Variants in VDAC1 observed in about 807,000 individuals in gnomAD.
VDAC1 encodes the protein voltage dependent anion channel 1.
A neutral mutation model predicts 34.7 loss-of-function variants in VDAC1; 10 were observed. The ratio of observed to expected loss-of-function variants is 0.29; its 90% confidence interval spans 0.18 to 0.49. The LOEUF (loss-of-function observed/expected upper bound fraction) is 0.49. Ranked by LOEUF, VDAC1 falls within the 20% of genes least tolerant of loss-of-function variation. The pLI is 0.99. For synonymous variants in VDAC1, 130 were observed against 136.0 expected (o/e 0.96, Z 0.30); for missense variants, 230 against 347.9 (o/e 0.66, Z 2.69).
chr5:134,057,960 G>C, the VDAC1 span, among the ~76,000 whole-genome samples: 1 of 150,352 alleles, frequency 6.7e-6, no homozygotes, highest in African/African-American at 2.4e-5. Flanking sequence ...GCAGTGGCAT[G>C]ATCTTGGCTC....
At chr5:133,999,873 G>C (rs942196534) in intron 1 of VDAC1, among the ~76,000 whole-genome samples, 1 of 152,090 alleles carries the variant, frequency 6.6e-6, no homozygotes, top group Non-Finnish European at 1.5e-5. Context: ...TGCCAAGGAA[G>C]AGAGTACTAT....
intron 8 of VDAC1, 106 bp downstream of exon 8, chr5:133,973,685 C>A (rs370413816): frequency 2.2e-5 from 21 of 945,550 alleles, no homozygotes; most frequent in Non-Finnish European, 1.7e-6. Flanking sequence ...TTTATATATA[C>A]CCACTGTATT....
At chr5:133,981,058 G>A (rs368849438) in intron 5 of VDAC1, 102 bp from the exon 6 acceptor site, 8 of 1,014,400 alleles carry the variant, frequency 7.9e-6, no homozygotes, top group East Asian at 2.6e-5. Flanking sequence ...AGGGAGTGGG[G>A]TGGGGGTGAA....
chr5:133,980,679 A>G (rs1580711366), intron 6 of VDAC1, 50 bp downstream of exon 6: 1 of 878,658 alleles, frequency 1.1e-6, no homozygotes, highest in Admixed American at 2.2e-5. Flanking sequence ...CCCTTACCAC[A>G]CATGCTCCAA....
At chr5:134,004,063 G>A (rs1185307086) in intron 1 of VDAC1, among the ~76,000 whole-genome samples, 3 of 152,230 alleles carry the variant, frequency 2.0e-5, no homozygotes, top group East Asian at 3.8e-4. Context: ...ACTCTCGGCC[G>A]GCGCGTTCCG....
the VDAC1 span, among the ~76,000 whole-genome samples, chr5:134,103,501 C>T: frequency 1.4e-4 from 21 of 152,256 alleles, 1 homozygote; most frequent in Admixed American, 7.2e-4. Context: ...CAGGAGAGAT[C>T]GACTCCCCTC....
At chr5:134,107,137 C>G in the VDAC1 span, among the ~76,000 whole-genome samples, 1 of 152,258 alleles carries the variant, frequency 6.6e-6, no homozygotes, top group South Asian at 2.1e-4. Context: ...TCACACTCAC[C>G]TCAGAGCCTG....
the VDAC1 span, among the ~76,000 whole-genome samples, chr5:134,025,920 AG>A: frequency 1.3e-5 from 2 of 152,094 alleles, no homozygotes; most frequent in African/African-American, 4.8e-5. Context: ...GGGTTGGAGG[AG>A]GGGCAGGTTT....
chr5:134,075,118 C>T, the VDAC1 span, among the ~76,000 whole-genome samples: 2 of 152,200 alleles, frequency 1.3e-5, no homozygotes, highest in Non-Finnish European at 2.9e-5. Context: ...ATACTACCAT[C>T]GCTGCTACTA....
chr5:133,973,323 C>G (rs1408521787), intron 8 of VDAC1, among the ~76,000 whole-genome samples: 3 of 152,218 alleles, frequency 2.0e-5, no homozygotes, highest in Non-Finnish European at 2.9e-5. Context: ...TAACCTGATT[C>G]AGGGAGTAGC....
chr5:134,005,798 GAATT>G (rs1753736146), upstream of VDAC1, among the ~76,000 whole-genome samples: 2 of 152,328 alleles, frequency 1.3e-5, no homozygotes, highest in South Asian at 4.1e-4. Context: ...CAGGTTTCGA[GAATT>G]AATTCGTAGA....
chr5:134,078,326 G>A, the VDAC1 span, among the ~76,000 whole-genome samples: 1 of 152,220 alleles, frequency 6.6e-6, no homozygotes, highest in Non-Finnish European at 1.5e-5. Flanking sequence ...CAGGACAGGG[G>A]GGAGGCGAGG....
At chr5:134,108,692 T>C in the VDAC1 span, among the ~76,000 whole-genome samples, 1 of 152,126 alleles carries the variant, frequency 6.6e-6, no homozygotes, top group African/African-American at 2.4e-5. Context: ...GAGGGAATAC[T>C]TGGAGGAATT....
chr5:134,089,109 C>T, the VDAC1 span, among the ~76,000 whole-genome samples: 1 of 152,354 alleles, frequency 6.6e-6, no homozygotes, highest in African/African-American at 2.4e-5. Context: ...CTGCCACAGG[C>T]TCTAGGGCTT....
At chr5:134,001,341 G>A (rs959009219) in intron 1 of VDAC1, among the ~76,000 whole-genome samples, 3 of 152,158 alleles carry the variant, frequency 2.0e-5, no homozygotes, top group African/African-American at 7.2e-5. Flanking sequence ...CAACATCACA[G>A]AACATTCGTT....
chr5:134,060,880 C>CTTTTTTTTTTTTT, the VDAC1 span, among the ~76,000 whole-genome samples: 569 of 98,626 alleles, frequency 5.8e-3, 28 homozygotes, highest in East Asian at 8.2e-3. Context: ...TCTTCTTCTT[C>CTTTTTTTTTTTTT]TTTTTTTTTT....
At chr5:133,997,959 C>T (rs1004547715) in intron 1 of VDAC1, among the ~76,000 whole-genome samples, 1 of 150,920 alleles carries the variant, frequency 6.6e-6, no homozygotes, top group Non-Finnish European at 1.5e-5. Flanking sequence ...CCCAGCTACT[C>T]GGGAGGCTGG....
At chr5:134,064,125 AC>A in the VDAC1 span, among the ~76,000 whole-genome samples, 34 of 150,358 alleles carry the variant, frequency 2.3e-4, no homozygotes, top group Non-Finnish European at 3.8e-4. Context: ...GGCAAGAGCC[AC>A]TGTGTCCAGT....
chr5:133,998,072 C>CG (rs550955404), intron 1 of VDAC1, among the ~76,000 whole-genome samples: 1 of 99,816 alleles, frequency 1.0e-5, no homozygotes, highest in Non-Finnish European at 2.3e-5. Flanking sequence ...CGTCTCGAAA[C>CG]AAAAAAAAAA....
Sources: gnomAD v4.1 joint callset for allele counts (sites outside exome capture counted in the v4.1 genomes callset) on GRCh38, gnomAD v4.1.1 for gene constraint, MANE v1.5 for transcripts, NCBI Gene and HGNC (gene_info 2026-07-23, HGNC 2026-07-21) for gene names.